ELAPOR2: variants seen among roughly 807,000 people sequenced by gnomAD.
The protein encoded by ELAPOR2 is endosome/lysosome-associated apoptosis and autophagy regulator family member 2.
ELAPOR2 carries 89 observed loss-of-function variants against 120.7 expected under a neutral mutation model. The observed-to-expected ratio is 0.74, with a 90% confidence interval of 0.62 to 0.88. The LOEUF (loss-of-function observed/expected upper bound fraction) is 0.88, where lower values mean the gene tolerates loss of function less well. Among genes scored for constraint, ELAPOR2 ranks in the 40% least tolerant of loss-of-function variants. The pLI, the probability that ELAPOR2 is intolerant of heterozygous loss-of-function variation, is 0.00. For missense variants in ELAPOR2, 1,134 were observed against 1,251.6 expected, an observed-to-expected ratio of 0.91 and a Z score of 1.42; for synonymous variants, 444 against 444.9, an observed-to-expected ratio of 1.00 and a Z score of 0.03.
chr7:87,010,474 C>T (rs1485524049), intron 1 of ELAPOR2, among the ~76,000 whole-genome samples: 2 of 152,158 alleles, frequency 1.3e-5, no homozygotes, highest in African/African-American at 2.4e-5. Context: ...AATTCTGATA[C>T]ATTTCTATGC....
intron 8 of ELAPOR2, among the ~76,000 whole-genome samples, chr7:86,935,548 G>A (rs1361603336): frequency 6.6e-6 from 1 of 151,858 alleles, no homozygotes; most frequent in Non-Finnish European, 1.5e-5. Context: ...TAGACCAGTG[G>A]TTCTCTAAGT....
At chr7:87,018,395 T>C (rs772613545) in intron 1 of ELAPOR2, among the ~76,000 whole-genome samples, 2 of 152,144 alleles carry the variant, frequency 1.3e-5, no homozygotes, top group Non-Finnish European at 2.9e-5. Flanking sequence ...GATACTCACA[T>C]AGGTTAGTAT....
chr7:86,970,906 C>G (rs1792085776), intron 1 of ELAPOR2, among the ~76,000 whole-genome samples: 1 of 152,128 alleles, frequency 6.6e-6, no homozygotes, highest in Non-Finnish European at 1.5e-5. Flanking sequence ...AACAGGTGCT[C>G]AATTCATTTT....
intron 2 of ELAPOR2, among the ~76,000 whole-genome samples, chr7:86,964,443 C>CT (rs1236896651): frequency 6.6e-6 from 1 of 151,762 alleles, no homozygotes; most frequent in Non-Finnish European, 1.5e-5. Flanking sequence ...ATTTCTATGG[C>CT]TAAAAAAAAT....
At chr7:86,944,125 A>G (rs1385152078) in intron 4 of ELAPOR2, among the ~76,000 whole-genome samples, 1 of 152,080 alleles carries the variant, frequency 6.6e-6, no homozygotes, top group African/African-American at 2.4e-5. Context: ...CTGCAGAAAC[A>G]TTTTTCAAGA....
At chr7:86,933,057 TGTGA>T (rs1056411293) in intron 8 of ELAPOR2, among the ~76,000 whole-genome samples, 2 of 151,820 alleles carry the variant, frequency 1.3e-5, no homozygotes, top group Non-Finnish European at 2.9e-5. Flanking sequence ...TTCTTCTTTG[TGTGA>T]GTTACAGTAT....
intron 18 of ELAPOR2, among the ~76,000 whole-genome samples, chr7:86,903,451 G>T (rs1442881561): frequency 6.6e-6 from 1 of 152,010 alleles, no homozygotes; most frequent in Non-Finnish European, 1.5e-5. Flanking sequence ...ATTGTTCTAG[G>T]GAAAAAGAAA....
intron 13 of ELAPOR2, 98 bp from the exon 14 acceptor site, chr7:86,913,302 G>A (rs1789411012): frequency 8.4e-7 from 1 of 1,185,638 alleles, no homozygotes; most frequent in Admixed American, 2.0e-5. Flanking sequence ...ACTAAATAGA[G>A]TGTTCCAGCC....
intron 1 of ELAPOR2, among the ~76,000 whole-genome samples, chr7:86,995,326 C>T (rs886699220): frequency 6.6e-6 from 1 of 152,142 alleles, no homozygotes; most frequent in Non-Finnish European, 1.5e-5. Flanking sequence ...ACAGATAATA[C>T]ATAAATGAAT....
intron 1 of ELAPOR2, among the ~76,000 whole-genome samples, chr7:86,976,418 C>A (rs1328804312): frequency 6.6e-6 from 1 of 152,164 alleles, no homozygotes; most frequent in East Asian, 1.9e-4. Context: ...CAGTCCCAGG[C>A]TCACCTTCAA....
intron 1 of ELAPOR2, among the ~76,000 whole-genome samples, chr7:86,997,239 A>T (rs959011912): frequency 6.6e-6 from 1 of 152,208 alleles, no homozygotes; most frequent in African/African-American, 2.4e-5. Context: ...AATACATTTA[A>T]ATAATATTCT....
intron 18 of ELAPOR2, among the ~76,000 whole-genome samples, chr7:86,898,799 T>A (rs933452696): frequency 2.0e-5 from 3 of 152,090 alleles, no homozygotes; most frequent in African/African-American, 7.2e-5. Flanking sequence ...AACTAGGTAA[T>A]GAAAGGCCTC....
intron 18 of ELAPOR2, among the ~76,000 whole-genome samples, chr7:86,905,201 AG>A (rs1788949297): frequency 1.3e-5 from 2 of 151,700 alleles, no homozygotes; most frequent in African/African-American, 4.8e-5. Context: ...AGAGAGAGAG[AG>A]AGAAAGAGAG....
chr7:86,948,166 C>A lies in ELAPOR2; in HGVS notation c.311-244G>T, dbSNP rs568790939. Among the ~76,000 whole-genome samples, 13 of 152,288 alleles carry A rather than the reference C, an allele frequency of 8.5e-5. No individual in the cohort carries two copies. In the South Asian group the frequency reaches 2.7e-3, roughly 32 times the overall value. ...TCCTATCATTCCCAAAATATTTCAT[C>A]CTCTCTCCTGCTGTTGTGGTCTTCT... On this transcript the variant is annotated intron_variant, in intron 2 of 21. Transcript: ENST00000450689.
chr7:87,022,601 G>A (rs1191998034), intron 1 of ELAPOR2, among the ~76,000 whole-genome samples: 1 of 151,892 alleles, frequency 6.6e-6, no homozygotes, highest in African/African-American at 2.4e-5. Context: ...CCCAGTAATG[G>A]GATGACTGGG....
At chr7:86,906,766 C>T (rs1274480556) in intron 18 of ELAPOR2, among the ~76,000 whole-genome samples, 1 of 152,068 alleles carries the variant, frequency 6.6e-6, no homozygotes, top group Non-Finnish European at 1.5e-5. Flanking sequence ...CAATGGGTCA[C>T]ACCTGTAATC....
intron 19 of ELAPOR2, among the ~76,000 whole-genome samples, chr7:86,893,467 C>A (rs1402870199): frequency 6.6e-6 from 1 of 151,362 alleles, no homozygotes; most frequent in East Asian, 1.9e-4. Context: ...AATTTTGATG[C>A]CTTTAAACAT....
intron 14 of ELAPOR2, among the ~76,000 whole-genome samples, chr7:86,912,492 T>C (rs1400868937): frequency 6.6e-6 from 1 of 152,150 alleles, no homozygotes; most frequent in Non-Finnish European, 1.5e-5. Flanking sequence ...TGTAGAAAGG[T>C]ATTTTAAGAA....
intron 14 of ELAPOR2, 65 bp downstream of exon 14, chr7:86,912,876 G>A (rs1488411832): frequency 6.5e-7 from 1 of 1,547,588 alleles, no homozygotes; most frequent in Non-Finnish European, 8.8e-7. Context: ...ACATTAAGGA[G>A]AACGCTTGAA....
Sources: allele counts gnomAD v4.1 joint callset (sites outside exome capture counted in the v4.1 genomes callset), GRCh38; gene constraint gnomAD v4.1.1; transcripts MANE v1.5; gene names NCBI Gene and HGNC (gene_info 2026-07-23, HGNC 2026-07-21).